Variants in MTUS2 observed in about 807,000 individuals in gnomAD.
MTUS2 encodes microtubule-associated tumor suppressor candidate 2.
Under a neutral mutation model 114.1 loss-of-function variants are expected in MTUS2, and 40 were observed. The observed-to-expected ratio is 0.35, with a 90% CI of 0.27 to 0.46. MTUS2 has a LOEUF of 0.46. Among genes scored for constraint, MTUS2 ranks in the 20% least tolerant of loss-of-function variants. MTUS2 has a pLI of 1.00. For missense variants in MTUS2, 1,679 were observed against 1,705.4 expected, an observed-to-expected ratio of 0.98 and a Z score of 0.27; for synonymous variants, 688 against 672.0, an observed-to-expected ratio of 1.02 and a Z score of -0.37.
At chr13:29,305,355 T>A (rs1899398382) in intron 6 of MTUS2, among the ~76,000 whole-genome samples, 1 of 51,194 alleles carries the variant, frequency 2.0e-5, no homozygotes, top group Non-Finnish European at 5.5e-5. Context: ...AGAAGCTAGT[T>A]TTGTGAAAAA....
Position 29,359,423 on chromosome 13 carries a change from A to G in MTUS2, c.3067A>G (p.Ile1023Val). ...GVAQGELKRA[I>V]CGFDALAVAT... ...TGCGCAAGGGGAGCTGAAGAGGGCC[A>G]TCTGCGGCTTTGATGCCCTCGCCGT... The change falls in exon 8 of 16, where the codon ATC (isoleucine) becomes GTC (valine). Residue 1023 changes from isoleucine (I) to valine (V), a missense_variant. Physicochemically the swap from Ile to Val is conservative, Grantham distance 29. Around this residue, in one of 3 missense-constraint regions of MTUS2, gnomAD observed 822 missense variants for 899.7 expected, o/e 0.91. Coordinates refer to ENST00000612955, the MANE Select transcript of MTUS2 (RefSeq NM_001033602.4). 8 of 1,613,400 alleles carry G rather than the reference A, an allele frequency of 5.0e-6. No individual in the cohort carries two copies. The highest frequency in any genetic ancestry group is 6.8e-6 in the Non-Finnish European group (8 of 1,179,746).
At position 29,496,566 on chromosome 13, in the gene MTUS2, G is replaced by A. The variant is rs1882565809; in HGVS notation, c.3580-672G>A. The A allele has an allele frequency of 6.5e-6, 1 of 152,926 alleles. No homozygotes were observed. Among genetic ancestry groups the A allele is most frequent in the Non-Finnish European group, 1.5e-5 (1 of 68,374 alleles). The allele number at this position is 152,926 out of a possible 1,614,324, so 9.5% of individuals were successfully genotyped here. A position where few individuals can be genotyped will look rare whatever the true frequency, so the allele number is the denominator to read the frequency against. On this transcript the variant is annotated intron_variant, in intron 12 of 15. Coordinates refer to ENST00000612955, the MANE Select transcript of MTUS2 (RefSeq NM_001033602.4). This position sits in a 1 kb window ranked among gnomAD's most constrained non-coding sequence, Gnocchi z 4.3. ...TTGAGGGCAGTGGAGGAGGAGATAG[G>A]GGAAGGACAGGTTCCGGTTTGCACA...
chr13:29,381,417 A>G (rs1193017077), intron 8 of MTUS2, among the ~76,000 whole-genome samples: 1 of 152,236 alleles, frequency 6.6e-6, no homozygotes, highest in Non-Finnish European at 1.5e-5. Context: ...TATAAGAATT[A>G]CTTATAGGTA....
chr13:29,010,387 G>A (rs917395410), intron 2 of MTUS2, among the ~76,000 whole-genome samples: 1 of 151,898 alleles, frequency 6.6e-6, no homozygotes, highest in South Asian at 2.1e-4. Context: ...CCAAAATCTG[G>A]CTTTTGGTGG....
At chr13:28,883,588 T>C (rs1333301541) in intron 2 of MTUS2, among the ~76,000 whole-genome samples, 3 of 152,122 alleles carry the variant, frequency 2.0e-5, no homozygotes, top group African/African-American at 7.2e-5. Flanking sequence ...ATAACACTTT[T>C]GAAGTAACAA....
At chr13:29,351,308 G>A (rs773774541) in intron 7 of MTUS2, among the ~76,000 whole-genome samples, 8 of 152,032 alleles carry the variant, frequency 5.3e-5, no homozygotes, top group Non-Finnish European at 1.0e-4. Context: ...AGCTTTCTGG[G>A]TGGCTCATTT....
intron 2 of MTUS2, among the ~76,000 whole-genome samples, chr13:28,983,800 A>G (rs981588871): frequency 1.3e-5 from 2 of 152,232 alleles, no homozygotes; most frequent in Non-Finnish European, 2.9e-5. Context: ...CTCTGTCTCA[A>G]TCAGTTTAAC....
At chr13:29,443,793 C>T in intron 9 of MTUS2, among the ~76,000 whole-genome samples, 1 of 152,158 alleles carries the variant, frequency 6.6e-6, no homozygotes, top group East Asian at 1.9e-4. Flanking sequence ...TATGGCCAGT[C>T]CCTTCCCCTT....
chr13:29,392,139 AAC>A (rs61330174), intron 8 of MTUS2, among the ~76,000 whole-genome samples: 10 of 42,438 alleles, frequency 2.4e-4, no homozygotes, highest in South Asian at 2.6e-3. Flanking sequence ...AAAAAAAAAA[AAC>A]AAACCAAAAA....
At chr13:29,044,612 T>A (rs571582173) in intron 4 of MTUS2, among the ~76,000 whole-genome samples, 1 of 152,352 alleles carries the variant, frequency 6.6e-6, no homozygotes, top group Non-Finnish European at 1.5e-5. Context: ...AGTGTTACTC[T>A]GTTCATTTCT....
intron 4 of MTUS2, among the ~76,000 whole-genome samples, chr13:29,061,608 A>G (rs148081988): frequency 1.4e-5 from 2 of 144,494 alleles, no homozygotes; most frequent in African/African-American, 2.6e-5. Flanking sequence ...TTTGGTCTGT[A>G]TCTTCAACTT....
chr13:29,122,416 A>G (rs1004129589), intron 5 of MTUS2, among the ~76,000 whole-genome samples: 9 of 152,210 alleles, frequency 5.9e-5, no homozygotes, highest in African/African-American at 1.4e-4. Context: ...CCTCTTTCAC[A>G]TGGAGGCAGC....
At chr13:29,285,544 G>C (rs1400119010) in intron 6 of MTUS2, among the ~76,000 whole-genome samples, 1 of 152,166 alleles carries the variant, frequency 6.6e-6, no homozygotes, top group African/African-American at 2.4e-5. Flanking sequence ...AATGGATTTG[G>C]TGCAGCCTCT....
chr13:29,095,190 A>C (rs368132661), intron 4 of MTUS2, among the ~76,000 whole-genome samples: 29 of 152,216 alleles, frequency 1.9e-4, no homozygotes, highest in African/African-American at 7.0e-4. Context: ...TAGTGTTCAG[A>C]TCTTCTATTT....
intron 8 of MTUS2, among the ~76,000 whole-genome samples, chr13:29,414,481 A>T (rs1242384906): frequency 2.0e-5 from 3 of 150,746 alleles, no homozygotes; most frequent in Non-Finnish European, 4.4e-5. Context: ...AAAAAAAAAA[A>T]AAAAAAGAAG....
chr13:29,012,473 G>A (rs375588743), intron 2 of MTUS2, among the ~76,000 whole-genome samples: 53 of 152,284 alleles, frequency 3.5e-4, no homozygotes, highest in African/African-American at 1.2e-3. Flanking sequence ...GGTTTGTTGG[G>A]AATATTCATA....
chr13:29,469,777 A>T lies in MTUS2; in HGVS notation c.3185-10373A>T, dbSNP rs374505781. Among the ~76,000 whole-genome samples the T allele has an allele frequency of 7.8e-4, 119 of 152,108 alleles. 1 individual carries two copies. The highest frequency in any genetic ancestry group is 2.7e-3 in the African/African-American group (111 of 41,544). Reference sequence around the variant, plus strand: ...AGTCATGATTGTGCCACTGCACTCCAGCCTGGGTGACAGAGCAAGACCCTG... The same window carrying T: ...AGTCATGATTGTGCCACTGCACTCCTGCCTGGGTGACAGAGCAAGACCCTG... On this transcript the variant is annotated intron_variant, in intron 9 of 15. Coordinates refer to ENST00000612955, the MANE Select transcript of MTUS2 (RefSeq NM_001033602.4).
intron 4 of MTUS2, among the ~76,000 whole-genome samples, chr13:29,035,478 T>G (rs1288977030): frequency 1.3e-5 from 2 of 152,348 alleles, no homozygotes; most frequent in African/African-American, 4.8e-5. Context: ...TGGCTTGGCC[T>G]GGTCACTTGG....
chr13:29,148,052 C>T (rs139308072), intron 5 of MTUS2, among the ~76,000 whole-genome samples: 1 of 152,162 alleles, frequency 6.6e-6, no homozygotes, highest in Non-Finnish European at 1.5e-5. Flanking sequence ...AATTTACATT[C>T]CCACCAACAG....
Sources: gnomAD v4.1 joint callset for allele counts (sites outside exome capture counted in the v4.1 genomes callset) on GRCh38, gnomAD v4.1.1 for gene constraint, gnomAD v4.1.1 regional missense constraint, Gnocchi (gnomAD v3.1) non-coding constraint, MANE v1.5 for transcripts, NCBI Gene and HGNC (gene_info 2026-07-23, HGNC 2026-07-21) for gene names.